Variants in PDGFC observed in about 807,000 individuals in gnomAD.
PDGFC encodes the protein platelet derived growth factor C.
PDGFC carries 12 observed loss-of-function variants against 35.5 expected under a neutral mutation model. The observed-to-expected ratio is 0.34, with a 90% CI of 0.22 to 0.55. PDGFC has a LOEUF of 0.55. Ranked by LOEUF, PDGFC falls within the 20% of genes least tolerant of loss-of-function variation. The pLI, the probability that PDGFC is intolerant of heterozygous loss-of-function variation, is 0.91. For synonymous variants in PDGFC, 159 were observed against 148.8 expected, an observed-to-expected ratio of 1.07 and a Z score of -0.50; for missense variants, 322 against 412.4, an observed-to-expected ratio of 0.78 and a Z score of 1.90.
chr4:156,776,426 C>T (rs17035221), intron 3 of PDGFC, among the ~76,000 whole-genome samples: 10,275 of 152,156 alleles, frequency 0.068, 1,134 homozygotes, highest in African/African-American at 0.23. Flanking sequence ...GGACACAAAC[C>T]GGAAGCAGAG....
intron 1 of PDGFC, among the ~76,000 whole-genome samples, chr4:156,859,571 A>G (rs1458068181): frequency 6.6e-6 from 1 of 152,102 alleles, no homozygotes; most frequent in African/African-American, 2.4e-5. Flanking sequence ...TGCCCCTCAA[A>G]GGCTAAGTTT....
chr4:156,936,002 A>G (rs943637782), intron 1 of PDGFC, among the ~76,000 whole-genome samples: 1 of 152,318 alleles, frequency 6.6e-6, no homozygotes, highest in East Asian at 1.9e-4. Context: ...ACGAAAATAC[A>G]TGTGAAGTTG....
At chr4:156,814,764 G>T (rs1732034013) in intron 2 of PDGFC, among the ~76,000 whole-genome samples, 1 of 151,992 alleles carries the variant, frequency 6.6e-6, no homozygotes, top group Admixed American at 6.6e-5. Context: ...ATTTTAAAAA[G>T]GGCTTTAACG....
chr4:156,956,536 G>A (rs1357370093), intron 1 of PDGFC, among the ~76,000 whole-genome samples: 1 of 151,986 alleles, frequency 6.6e-6, no homozygotes, highest in African/African-American at 2.4e-5. Context: ...TCCTGCAAAT[G>A]ATCGATTGTG....
At chr4:156,958,996 C>T (rs1732276420) in intron 1 of PDGFC, among the ~76,000 whole-genome samples, 1 of 152,020 alleles carries the variant, frequency 6.6e-6, no homozygotes, top group Non-Finnish European at 1.5e-5. Context: ...TATGAGTCTA[C>T]TCTTGTAAGC....
chr4:156,956,621 T>C (rs184868855), intron 1 of PDGFC, among the ~76,000 whole-genome samples: 25 of 152,096 alleles, frequency 1.6e-4, no homozygotes, highest in African/African-American at 5.3e-4. Context: ...AGGTCATAGG[T>C]AACCAGCACC....
intron 3 of PDGFC, among the ~76,000 whole-genome samples, chr4:156,777,067 T>C (rs1730848446): frequency 6.6e-6 from 1 of 152,160 alleles, no homozygotes; most frequent in Non-Finnish European, 1.5e-5. Flanking sequence ...ACTCTCCTTG[T>C]TGTTTTAGCA....
At chr4:156,824,302 ATATATATATATATATATATATATAT>A (rs1732361942) in intron 2 of PDGFC, among the ~76,000 whole-genome samples, 1 of 39,134 alleles carries the variant, frequency 2.6e-5, no homozygotes. Context: ...ATATATATAT[ATATATATATATATATATATATATAT>A]ACACACACAC....
At chr4:156,796,491 AT>A (rs35891804) in intron 3 of PDGFC, among the ~76,000 whole-genome samples, 36,316 of 101,498 alleles carry the variant, frequency 0.36, 5,886 homozygotes, top group South Asian at 0.54. Flanking sequence ...ACCACTTTGT[AT>A]TTTTTTTTTT....
intron 1 of PDGFC, chr4:156,886,920 T>A (rs1730389888): frequency 6.6e-6 from 1 of 152,190 alleles, no homozygotes; most frequent in Non-Finnish European, 1.5e-5. Flanking sequence ...ATAGACATCT[T>A]ATTATATGAG....
At chr4:156,886,300 T>A (rs188147221) in intron 1 of PDGFC, among the ~76,000 whole-genome samples, 82 of 152,350 alleles carry the variant, frequency 5.4e-4, no homozygotes, top group African/African-American at 1.8e-3. Flanking sequence ...CAATGTGCTA[T>A]AACTCTCTTG....
At chr4:156,910,321 T>C (rs1004040288) in intron 1 of PDGFC, among the ~76,000 whole-genome samples, 1 of 152,164 alleles carries the variant, frequency 6.6e-6, no homozygotes, top group Admixed American at 6.5e-5. Flanking sequence ...ATGACTGTAG[T>C]ACAATGTCAT....
intron 1 of PDGFC, among the ~76,000 whole-genome samples, chr4:156,857,537 C>T (rs1464392954): frequency 2.0e-5 from 3 of 152,060 alleles, no homozygotes; most frequent in Non-Finnish European, 4.4e-5. Flanking sequence ...CCACCAGCCT[C>T]TTGTCCATGA....
At chr4:156,785,886 GA>G (rs776960904) in intron 3 of PDGFC, among the ~76,000 whole-genome samples, 11 of 152,020 alleles carry the variant, frequency 7.2e-5, no homozygotes, top group Non-Finnish European at 1.6e-4. Context: ...AAGGTCAATT[GA>G]AAAAATATCT....
In PDGFC at chr4:156,795,983, C is replaced by A. The variant is rs80136856; in HGVS notation, c.495+14854G>T. Among the ~76,000 whole-genome samples the A allele has an allele frequency of 3.1e-3, 472 of 152,226 alleles. 2 individuals carry two copies. The highest frequency in any genetic ancestry group is 0.011 in the African/African-American group (456 of 41,550). On this transcript the variant is annotated intron_variant, in intron 3 of 5. Transcript: ENST00000502773. Reference sequence around the variant, plus strand: ...TCATTCATGGATTTATTTATAGTGACTATTTATGTTTCACACGTTTACTCT... The same window carrying A: ...TCATTCATGGATTTATTTATAGTGAATATTTATGTTTCACACGTTTACTCT...
At chr4:156,824,928 AGAGT>A (rs1454791074) in intron 2 of PDGFC, among the ~76,000 whole-genome samples, 2 of 152,234 alleles carry the variant, frequency 1.3e-5, no homozygotes, top group African/African-American at 4.8e-5. Flanking sequence ...GAGCATATAT[AGAGT>A]GAGTCACTAT....
chr4:156,936,045 T>G (rs546578351), intron 1 of PDGFC, among the ~76,000 whole-genome samples: 1 of 152,322 alleles, frequency 6.6e-6, no homozygotes, highest in East Asian at 1.9e-4. Flanking sequence ...CTCTTCCTGT[T>G]ATGGTCATTG....
At chr4:156,967,484 C>T (rs911564180) in intron 1 of PDGFC, 2 of 152,086 alleles carry the variant, frequency 1.3e-5, no homozygotes, top group African/African-American at 4.8e-5. Flanking sequence ...GCGGCATATT[C>T]CAAATCAAAA....
chr4:156,945,484 G>GA (rs1034744165), intron 1 of PDGFC, among the ~76,000 whole-genome samples: 9 of 149,374 alleles, frequency 6.0e-5, no homozygotes, highest in Non-Finnish European at 7.4e-5. Context: ...AGGAAAAACA[G>GA]AAAAAATATA....
Sources: allele counts gnomAD v4.1 joint callset (sites outside exome capture counted in the v4.1 genomes callset), GRCh38; gene constraint gnomAD v4.1.1; transcripts MANE v1.5; gene names NCBI Gene and HGNC (gene_info 2026-07-23, HGNC 2026-07-21).